ADD2: variants seen among roughly 807,000 people sequenced by gnomAD.
The protein encoded by ADD2 is adducin 2.
ADD2 carries 23 observed loss-of-function variants against 83.0 expected under a neutral mutation model. The observed-to-expected ratio is 0.28, with a 90% CI of 0.20 to 0.39. ADD2 has a LOEUF of 0.39. Among genes scored for constraint, ADD2 ranks in the 10% least tolerant of loss-of-function variants. The pLI, the probability that ADD2 is intolerant of heterozygous loss-of-function variation, is 1.00. For missense variants in ADD2, 758 were observed against 944.9 expected (o/e 0.80, Z 2.59); for synonymous variants, 375 against 375.4 (o/e 1.00, Z 0.01).
chr2:70,722,732 G>A (rs1672793146), intron 1 of ADD2, among the ~76,000 whole-genome samples: 1 of 152,196 alleles, frequency 6.6e-6, no homozygotes, highest in Non-Finnish European at 1.5e-5. Flanking sequence ...GCAACTTCCT[G>A]TACTGTGAAA....
intron 3 of ADD2, among the ~76,000 whole-genome samples, 190 bp from the exon 4 acceptor site, chr2:70,704,649 G>T (rs1177032923): frequency 1.3e-5 from 2 of 152,198 alleles, no homozygotes; most frequent in Non-Finnish European, 2.9e-5. Flanking sequence ...AAGCAACAAA[G>T]AAATGCTGGG....
At chr2:70,742,464 T>C (rs1287259874) in intron 1 of ADD2, among the ~76,000 whole-genome samples, 2 of 152,124 alleles carry the variant, frequency 1.3e-5, no homozygotes, top group African/African-American at 4.8e-5. Context: ...TTATTTTAGA[T>C]GAAGTGAAAT....
intron 1 of ADD2, among the ~76,000 whole-genome samples, chr2:70,742,156 C>A (rs1673951600): frequency 1.3e-5 from 2 of 152,336 alleles, no homozygotes; most frequent in East Asian, 3.9e-4. Flanking sequence ...TGTGCTAATT[C>A]TTCTTTTCCT....
Position 70,676,863 on chromosome 2 carries a change from T to A in ADD2, c.1526A>T (p.Asp509Val). 1 of 1,613,896 alleles carries A rather than the reference T, an allele frequency of 6.2e-7. No homozygotes were observed. The highest frequency in any genetic ancestry group is 1.3e-5 in the African/African-American group (1 of 75,014). The stretch of plus-strand genomic sequence containing the variant: ...GGACTGAGGCCCCGCTGACTTCACA[T>A]CTTGTCGGTTTTGTTCTCGAATCTG... ...RNKIREQNRQ[D>V]VKSAGPQSQL... Residue 509 changes from aspartate to valine, a missense_variant, in exon 13 of 16, where the codon GAT becomes GTT. This residue lies in a region of ADD2 where 394 missense variants were observed against 509.3 expected (regional missense o/e 0.77). Coordinates refer to ENST00000264436, the MANE Select transcript of ADD2 (RefSeq NM_001617.4). This position sits in a 1 kb window ranked among gnomAD's most constrained non-coding sequence, Gnocchi z 4.8.
chr2:70,667,272 G>C (rs1349139709), intron 15 of ADD2, among the ~76,000 whole-genome samples: 2 of 152,170 alleles, frequency 1.3e-5, no homozygotes, highest in Non-Finnish European at 2.9e-5. Context: ...TGACTGGAAA[G>C]CTGGGGGAGA....
chr2:70,665,228 G>C lies in ADD2; in HGVS notation c.1871-1493C>G, dbSNP rs1172075023. On this transcript the variant is annotated intron_variant, in intron 15 of 15. Coordinates refer to ENST00000264436, the MANE Select transcript of ADD2 (RefSeq NM_001617.4). Reference sequence around the variant, plus strand: ...ACGGTTACATGGAGGATGGGACAGAGTGGGGTAACTTGTGGACAGTTAAAG... The same window carrying C: ...ACGGTTACATGGAGGATGGGACAGACTGGGGTAACTTGTGGACAGTTAAAG... 3.3e-5 allele frequency among the ~76,000 whole-genome samples: 5 copies of C among 152,260 alleles called. No individual in the cohort carries two copies. In the South Asian group the frequency reaches 8.3e-4, roughly 25 times the overall value.
chr2:70,706,149 T>C lies in ADD2; in HGVS notation c.183+77A>G. On this transcript the variant is annotated intron_variant, in intron 3 of 15. Coordinates refer to ENST00000264436, the MANE Select transcript of ADD2 (RefSeq NM_001617.4). The surrounding 1 kb of genome is among the most constrained non-coding windows in gnomAD (Gnocchi z 5.0). ...CCTGAGCAAGGGAAAGAGGAGTTAC[T>C]CATCTTTCGGGTGGGTACACGTCCT... 1 of 1,469,798 alleles carries C rather than the reference T, an allele frequency of 6.8e-7. No individual in the cohort carries two copies. Among genetic ancestry groups the C allele is most frequent in the Non-Finnish European group, 9.3e-7 (1 of 1,070,098 alleles). 91.0% of individuals were successfully genotyped at this position (1,469,798 alleles called of 1,614,324 possible).
chr2:70,766,452 A>G (rs1553386059), intron 1 of ADD2, among the ~76,000 whole-genome samples: 1 of 152,232 alleles, frequency 6.6e-6, no homozygotes, highest in Non-Finnish European at 1.5e-5. Context: ...TCTCTAACAT[A>G]TATTATTCAT....
At chr2:70,752,963 T>C (rs1382434116) in intron 1 of ADD2, among the ~76,000 whole-genome samples, 2 of 151,862 alleles carry the variant, frequency 1.3e-5, no homozygotes, top group African/African-American at 4.8e-5. Flanking sequence ...TGAAGTAGAG[T>C]TCTGGGGAGA....
In ADD2 at chr2:70,706,148, C is replaced by G. The variant is rs1671873284; in HGVS notation, c.183+78G>C. 6.8e-7 allele frequency: 1 copy of G among 1,466,634 alleles called. No individual in the cohort carries two copies. Among genetic ancestry groups the G allele is most frequent in the Non-Finnish European group, 9.4e-7 (1 of 1,067,716 alleles). 90.9% of individuals were successfully genotyped at this position (1,466,634 alleles called of 1,614,324 possible). On this transcript the variant is annotated intron_variant, in intron 3 of 15. Coordinates refer to ENST00000264436, the MANE Select transcript of ADD2 (RefSeq NM_001617.4). This position sits in a 1 kb window ranked among gnomAD's most constrained non-coding sequence, Gnocchi z 5.0. ...CCCTGAGCAAGGGAAAGAGGAGTTACTCATCTTTCGGGTGGGTACACGTCC... is the reference window on the plus strand; with the variant it reads ...CCCTGAGCAAGGGAAAGAGGAGTTAGTCATCTTTCGGGTGGGTACACGTCC...
chr2:70,657,634 T>A lies in ADD2; in HGVS notation c.*5791A>T, dbSNP rs880000299. On this transcript the variant is annotated 3_prime_UTR_variant, in exon 16 of 16. Coordinates refer to ENST00000264436, the MANE Select transcript of ADD2 (RefSeq NM_001617.4). ...CACTCTGCCCTTGGTCCAATTGCCA[T>A]CCTCCTTCTGATTCACGTTAAAAGG... is the stretch of plus-strand genomic sequence containing the variant. The A allele has an allele frequency of 6.6e-5, 10 of 152,178 alleles. No individual in the cohort carries two copies. The highest frequency in any genetic ancestry group is 1.5e-4 in the Non-Finnish European group (10 of 68,050). The allele number at this position is 152,178 out of a possible 1,614,324, so 9.4% of individuals were successfully genotyped here.
rs528489196 is a variant in ADD2 at position 70,767,529 on chromosome 2, G to A, written c.-154+357C>T. The A allele has an allele frequency of 1.7e-4, 97 of 583,548 alleles. No individual in the cohort carries two copies. The East Asian group carries it at 5.7e-3, about 34-fold the overall frequency. 36.1% of individuals were successfully genotyped at this position (583,548 alleles called of 1,614,324 possible). On this transcript the variant is annotated intron_variant, in intron 1 of 15. Coordinates refer to ENST00000264436, the MANE Select transcript of ADD2 (RefSeq NM_001617.4). ...AGAGAGGGGAGGGGAGGGAGGGGAG[G>A]GGAGGAGCGGCCCCGCCCGGCTAGG...
chr2:70,754,291 G>A (rs188214609), intron 1 of ADD2, among the ~76,000 whole-genome samples: 2 of 152,058 alleles, frequency 1.3e-5, no homozygotes, highest in Admixed American at 6.5e-5. Flanking sequence ...ATAATTCTTC[G>A]CAGCACTTCC....
At chr2:70,668,983 CT>C (rs1411503787) in intron 15 of ADD2, among the ~76,000 whole-genome samples, 1 of 152,196 alleles carries the variant, frequency 6.6e-6, no homozygotes, top group Non-Finnish European at 1.5e-5. Context: ...TTACTTTTCT[CT>C]TGAAAAGGCA....
At chr2:70,759,628 T>A (rs926497307) in intron 1 of ADD2, among the ~76,000 whole-genome samples, 9 of 152,056 alleles carry the variant, frequency 5.9e-5, no homozygotes, top group African/African-American at 2.2e-4. Context: ...GAGCCTGGCA[T>A]CTCCTCCCCT....
At chr2:70,712,316 C>T (rs1672221752) in intron 2 of ADD2, among the ~76,000 whole-genome samples, 1 of 151,816 alleles carries the variant, frequency 6.6e-6, no homozygotes, top group Non-Finnish European at 1.5e-5. Flanking sequence ...TGGTGGTGTG[C>T]ACCTGTAGTC....
intron 1 of ADD2, among the ~76,000 whole-genome samples, chr2:70,729,280 C>T (rs1233395148): frequency 1.3e-5 from 2 of 152,182 alleles, no homozygotes; most frequent in Non-Finnish European, 2.9e-5. Flanking sequence ...TGACCTTGAC[C>T]CCTGGGCTGG....
chr2:70,668,026 G>A (rs781800999), intron 15 of ADD2, among the ~76,000 whole-genome samples: 67 of 152,140 alleles, frequency 4.4e-4, no homozygotes, highest in Non-Finnish European at 3.8e-4. Context: ...ACAAAAAGGT[G>A]GAGGAAGGGC....
chr2:70,712,694 T>C (rs1672257777), intron 2 of ADD2, among the ~76,000 whole-genome samples: 1 of 152,092 alleles, frequency 6.6e-6, no homozygotes, highest in Non-Finnish European at 1.5e-5. Context: ...GGTTGTTACA[T>C]ACAGGCAGAT....
Sources: gnomAD v4.1 joint callset for allele counts (sites outside exome capture counted in the v4.1 genomes callset) on GRCh38, gnomAD v4.1.1 for gene constraint, gnomAD v4.1.1 regional missense constraint, Gnocchi (gnomAD v3.1) non-coding constraint, MANE v1.5 for transcripts, NCBI Gene and HGNC (gene_info 2026-07-23, HGNC 2026-07-21) for gene names.